RASA2: variants seen among roughly 807,000 people sequenced by gnomAD.
RASA2 encodes ras GTPase-activating protein 2.
RASA2 carries 155 observed loss-of-function variants against 118.2 expected under a neutral mutation model. The observed-to-expected ratio is 1.31, with a 90% CI of 1.15 to 1.50. The LOEUF (loss-of-function observed/expected upper bound fraction) is 1.50. RASA2 is among the 40% of genes most tolerant of loss of function. RASA2 has a pLI of 0.00. For missense variants in RASA2, 1,016 were observed against 1,009.6 expected (o/e 1.01, Z -0.09); for synonymous variants, 353 against 349.1 (o/e 1.01, Z -0.12).
intron 15 of RASA2, chr3:141,578,673 A>G (rs1386491930): frequency 6.6e-6 from 1 of 152,202 alleles, no homozygotes; most frequent in East Asian, 1.9e-4. Context: ...TGGCTTTGTT[A>G]CTAAAGCTGC....
At chr3:141,542,872 TTATAA>T (rs1220148239) in intron 5 of RASA2, among the ~76,000 whole-genome samples, 3 of 152,196 alleles carry the variant, frequency 2.0e-5, no homozygotes, top group Non-Finnish European at 4.4e-5. Flanking sequence ...GAATGGAATC[TTATAA>T]TATGTGACCT....
intron 5 of RASA2, among the ~76,000 whole-genome samples, chr3:141,549,472 A>AGTGTGTGTGCGTGTGT (rs1553790597): frequency 4.9e-4 from 66 of 134,836 alleles, no homozygotes; most frequent in African/African-American, 1.8e-3. Context: ...AGTGTGTATG[A>AGTGTGTGTGCGTGTGT]GTGTGTGTGT....
intron 1 of RASA2, among the ~76,000 whole-genome samples, chr3:141,495,165 T>C (rs2081685230): frequency 6.6e-6 from 1 of 152,230 alleles, no homozygotes; most frequent in Admixed American, 6.5e-5. Flanking sequence ...TATTAACTAA[T>C]TTAATCCTTA....
chr3:141,592,374 T>C (rs2083298260), intron 19 of RASA2, among the ~76,000 whole-genome samples: 1 of 152,242 alleles, frequency 6.6e-6, no homozygotes, highest in African/African-American at 2.4e-5. Flanking sequence ...CTCTTGTGGC[T>C]GGAAAATTGA....
At chr3:141,515,086 A>G (rs1462406014) in intron 2 of RASA2, among the ~76,000 whole-genome samples, 2 of 152,150 alleles carry the variant, frequency 1.3e-5, no homozygotes, top group Admixed American at 1.3e-4. Context: ...CAGTTGTATA[A>G]ATTTATCAGA....
intron 1 of RASA2, among the ~76,000 whole-genome samples, chr3:141,506,595 C>T (rs141817038): frequency 3.3e-5 from 5 of 152,240 alleles, no homozygotes; most frequent in South Asian, 2.1e-4. Context: ...ATGGTGCACA[C>T]GATTTGAATG....
chr3:141,600,855 A>G (rs2083452004), intron 19 of RASA2, among the ~76,000 whole-genome samples: 1 of 152,214 alleles, frequency 6.6e-6, no homozygotes, highest in African/African-American at 2.4e-5. Context: ...ACCATAGCCA[A>G]AGCAATGTTG....
chr3:141,610,497 T>TAATATATATATATATA (rs2083633192), intron 23 of RASA2, among the ~76,000 whole-genome samples: 3 of 132,204 alleles, frequency 2.3e-5, no homozygotes, highest in Non-Finnish European at 3.1e-5. Context: ...ATATATATAT[T>TAATATATATATATATA]TAGTTTTTGT....
At chr3:141,545,775 AATT>A (rs2082475989) in intron 5 of RASA2, among the ~76,000 whole-genome samples, 1 of 151,858 alleles carries the variant, frequency 6.6e-6, no homozygotes, top group African/African-American at 2.4e-5. Context: ...ATGTATAATA[AATT>A]ATTGTTGTCT....
chr3:141,587,812 T>C (rs1325734197), intron 19 of RASA2, among the ~76,000 whole-genome samples: 6 of 151,926 alleles, frequency 3.9e-5, no homozygotes, highest in Admixed American at 3.9e-4. Context: ...ATCACATCTA[T>C]ATAGTAGAAT....
At chr3:141,542,973 A>T (rs74546649) in intron 5 of RASA2, among the ~76,000 whole-genome samples, 3,282 of 152,064 alleles carry the variant, frequency 0.022, 131 homozygotes, top group African/African-American at 0.075. Flanking sequence ...TCACTTTTTT[A>T]AAAAAATCAT....
At chr3:141,586,881 A>G (rs778052681) in intron 19 of RASA2, 129 bp downstream of exon 19, 10 of 760,508 alleles carry the variant, frequency 1.3e-5, no homozygotes, top group South Asian at 1.2e-4. Context: ...ACACTGATAC[A>G]TACGTACTAA....
At chr3:141,589,377 T>C (rs2083254051) in intron 19 of RASA2, among the ~76,000 whole-genome samples, 1 of 152,224 alleles carries the variant, frequency 6.6e-6, no homozygotes, top group South Asian at 2.1e-4. Context: ...TTTCGGTTTA[T>C]AATCTTCTTT....
chr3:141,567,012 A>T (rs2082830293), intron 9 of RASA2, among the ~76,000 whole-genome samples: 1 of 152,170 alleles, frequency 6.6e-6, no homozygotes, highest in South Asian at 2.1e-4. Flanking sequence ...TGCACCTGTG[A>T]ATCTGTTTTA....
rs542210280 is a variant in RASA2 at position 141,593,585 on chromosome 3, A to T, written c.1933+6833A>T. Among the ~76,000 whole-genome samples the T allele has an allele frequency of 4.3e-4, 66 of 152,334 alleles. 1 individual carries two copies. The highest frequency in any genetic ancestry group is 1.5e-3 in the African/African-American group (64 of 41,582). On this transcript the variant is annotated intron_variant, in intron 19 of 23. Transcript: ENST00000286364. ...AACCGCTAATGCAAGAGGGACCTCC[A>T]AAGGGGCTAGTGAAAAGCAATAACT...
chr3:141,609,997 T>A lies in RASA2; in HGVS notation c.2450T>A (p.Ile817Asn). The change falls in exon 23 of 24, where the codon ATT (isoleucine) becomes AAT (asparagine). Residue 817 changes from isoleucine (I) to asparagine (N), a missense_variant. This residue lies in a region of RASA2 where 120 missense variants were observed against 173.2 expected (regional missense o/e 0.69). Transcript: ENST00000286364. Reference sequence around the variant, plus strand: ...ACAATTCAGCAAATAAAAAGCATAATTGAGAAGCTGGATGAACCTCATGAA... The same window carrying A: ...ACAATTCAGCAAATAAAAAGCATAAATGAGAAGCTGGATGAACCTCATGAA... ...FKTIQQIKSI[I>N]EKLDEPHEKY... The A allele has an allele frequency of 6.2e-7, 1 of 1,606,306 alleles. No homozygotes were observed. The highest frequency in any genetic ancestry group is 8.5e-7 in the Non-Finnish European group (1 of 1,176,504).
chr3:141,610,478 A>AATATATAT (rs201768514), intron 23 of RASA2, among the ~76,000 whole-genome samples: 9 of 99,998 alleles, frequency 9.0e-5, no homozygotes, highest in African/African-American at 4.8e-4. Context: ...TATATATATA[A>AATATATAT]ATATATATAT....
intron 5 of RASA2, among the ~76,000 whole-genome samples, chr3:141,550,207 C>T (rs2082552500): frequency 6.6e-6 from 1 of 152,098 alleles, no homozygotes; most frequent in South Asian, 2.1e-4. Context: ...TAGATGCCAC[C>T]TTAATTGAGT....
At chr3:141,602,186 C>T (rs1357905922) in intron 19 of RASA2, among the ~76,000 whole-genome samples, 1 of 152,146 alleles carries the variant, frequency 6.6e-6, no homozygotes, top group African/African-American at 2.4e-5. Context: ...ATATGTCTTA[C>T]TTTCTTATTA....
Sources: allele counts gnomAD v4.1 joint callset (sites outside exome capture counted in the v4.1 genomes callset), GRCh38; gene constraint gnomAD v4.1.1; regional missense constraint gnomAD v4.1.1; transcripts MANE v1.5; gene names NCBI Gene and HGNC (gene_info 2026-07-23, HGNC 2026-07-21).